COL6A2: variants seen among roughly 807,000 people sequenced by gnomAD.
COL6A2 encodes collagen alpha-2(VI) chain.
COL6A2 carries 90 observed loss-of-function variants against 124.9 expected under a neutral mutation model. That is an observed-to-expected ratio of 0.72 (90% CI 0.61 to 0.86). COL6A2 has a LOEUF of 0.86. Ranked by LOEUF, COL6A2 falls within the 40% of genes least tolerant of loss-of-function variation. COL6A2 has a pLI of 0.00. For missense variants in COL6A2, 1,607 were observed against 1,502.5 expected (o/e 1.07, Z -1.15); for synonymous variants, 793 against 618.2 (o/e 1.28, Z -4.19).
At chr21:46,120,746 G>A (rs557841373) in intron 16 of COL6A2, among the ~76,000 whole-genome samples, 169 bp downstream of exon 16, 2 of 152,080 alleles carry the variant, frequency 1.3e-5, no homozygotes, top group East Asian at 3.9e-4. Context: ...TCAAGGTAGG[G>A]GACCCAGGCG....
At chr21:46,120,943 G>A (rs1010532148) in intron 16 of COL6A2, 118 bp from the exon 17 acceptor site, 12 of 950,330 alleles carry the variant, frequency 1.3e-5, no homozygotes, top group African/African-American at 1.6e-5. Context: ...GGGTCATAGG[G>A]GCCGGGGCCA....
In COL6A2 at chr21:46,116,234, C is replaced by T; in HGVS notation, c.901-143C>T. ...CCAGCCTCCAGCCCGACCCAGGGCT[C>T]AGCCTCCTCCGCAGACTGTTTGTCG... On this transcript the variant is annotated intron_variant, in intron 7 of 27. Transcript: ENST00000300527. The surrounding 1 kb of genome is among the most constrained non-coding windows in gnomAD (Gnocchi z 4.6). The T allele has an allele frequency of 8.5e-7, 1 of 1,171,842 alleles. No individual in the cohort carries two copies. The highest frequency in any genetic ancestry group is 1.2e-6 in the Non-Finnish European group (1 of 806,436). The allele number at this position is 1,171,842 out of a possible 1,614,324, so 72.6% of individuals were successfully genotyped here.
chr21:46,127,446 T>C (rs1283455239), intron 27 of COL6A2, among the ~76,000 whole-genome samples: 1 of 152,098 alleles, frequency 6.6e-6, no homozygotes, highest in African/African-American at 2.4e-5. Context: ...AGGTTCCCCA[T>C]ACGTGCTGCG....
intron 1 of COL6A2, among the ~76,000 whole-genome samples, chr21:46,103,479 T>C (rs1401816631): frequency 1.3e-5 from 2 of 152,176 alleles, no homozygotes. Context: ...CTTTTTCTAG[T>C]TCCTTACATT....
rs555810409 is a variant in COL6A2 at position 46,120,951 on chromosome 21, C to T, written c.1396-110C>T. ...CCGGGGAGGGTCATAGGGGCCGGGG[C>T]CAGACCCGTCTTACCCCCGAGGCCC... On this transcript the variant is annotated intron_variant, in intron 16 of 27. Transcript: ENST00000300527. 121 of 1,045,290 alleles carry T rather than the reference C, an allele frequency of 1.2e-4. 2 individuals carry two copies. The South Asian group carries it at 1.5e-3, about 13-fold the overall frequency. The allele number at this position is 1,045,290 out of a possible 1,614,324, so 64.8% of individuals were successfully genotyped here. A position where few individuals can be genotyped will look rare whatever the true frequency, so the allele number is the denominator to read the frequency against.
In COL6A2 at chr21:46,132,572, C is replaced by T. The variant is rs1193014581; in HGVS notation, c.*20C>T. 3.8e-6 allele frequency: 6 copies of T among 1,573,982 alleles called. No homozygotes were observed. In the African/African-American group the frequency reaches 4.0e-5, roughly 11 times the overall value. On this transcript the variant is annotated 3_prime_UTR_variant, in exon 28 of 28. Transcript: ENST00000300527. ...TGCTAGCGCCGCCGCCCGGGCCCCG[C>T]AGTCGAGGGTCGTGAGCCCACCCCG...
At chr21:46,103,131 G>T (rs2078304700) in intron 1 of COL6A2, among the ~76,000 whole-genome samples, 1 of 152,050 alleles carries the variant, frequency 6.6e-6, no homozygotes, top group Non-Finnish European at 1.5e-5. Context: ...ATTTCTTCAT[G>T]ATTTGATTTT....
At chr21:46,121,987 G>A (rs960601369) in intron 18 of COL6A2, 121 bp from the exon 19 acceptor site, 2 of 1,048,510 alleles carry the variant, frequency 1.9e-6, no homozygotes, top group East Asian at 5.1e-5. Flanking sequence ...CTCACAGCCA[G>A]AACTCGACGG....
chr21:46,105,733 A>T (rs2078328984), intron 1 of COL6A2, among the ~76,000 whole-genome samples: 1 of 152,226 alleles, frequency 6.6e-6, no homozygotes, highest in Non-Finnish European at 1.5e-5. Context: ...TAAATACAAA[A>T]GGGAATGAGG....
intron 27 of COL6A2, among the ~76,000 whole-genome samples, chr21:46,130,805 C>T (rs765692608): frequency 2.2e-4 from 34 of 152,184 alleles, no homozygotes; most frequent in Non-Finnish European, 3.1e-4. Flanking sequence ...CTAGGTGTGG[C>T]CTTAACAGGG....
At chr21:46,124,953 TCTC>T (rs1568938829) in intron 23 of COL6A2, 33 bp downstream of exon 23, 5 of 1,612,256 alleles carry the variant, frequency 3.1e-6, no homozygotes, top group East Asian at 2.2e-5. Flanking sequence ...CCAGTGTCCT[TCTC>T]CTGCCAAAAC....
chr21:46,117,998 G>A (rs1468741131), intron 12 of COL6A2, 62 bp downstream of exon 12: 39 of 1,495,590 alleles, frequency 2.6e-5, no homozygotes, highest in Non-Finnish European at 3.2e-5. Flanking sequence ...GCCTCCTGGA[G>A]GCAGCCCCAG....
Position 46,132,137 on chromosome 21 carries a change from T to C in COL6A2, c.2645T>C (p.Phe882Ser), listed in dbSNP as rs771193919. The C allele has an allele frequency of 5.7e-6, 9 of 1,576,348 alleles. No individual in the cohort carries two copies. The South Asian group carries it at 1.0e-4, about 18-fold the overall frequency. ...AACGCACGCGTGGCGCTGCTGCAGT[T>C]TGGTGGCCCCGGCGAGCAGCAGGTG... ...PLNARVALLQ[F>S]GGPGEQQVAF... The change falls in exon 28 of 28, where the codon TTT becomes TCT. Residue 882 changes from phenylalanine to serine, a missense_variant. Coordinates refer to ENST00000300527, the MANE Select transcript of COL6A2 (RefSeq NM_001849.4).
chr21:46,116,734 G>T lies in COL6A2; in HGVS notation c.955-36G>T. On this transcript the variant is annotated intron_variant, in intron 9 of 27. Transcript: ENST00000300527. This position sits in a 1 kb window ranked among gnomAD's most constrained non-coding sequence, Gnocchi z 4.6. Reference sequence around the variant, plus strand: ...TCCTGCTGCTCAGGGCAGAAGGACCGGGGCTAATGGAGTTCCCTCTTCCTT... The same window carrying T: ...TCCTGCTGCTCAGGGCAGAAGGACCTGGGCTAATGGAGTTCCCTCTTCCTT... 1 of 1,613,078 alleles carries T rather than the reference G, an allele frequency of 6.2e-7. No individual in the cohort carries two copies. Among genetic ancestry groups the T allele is most frequent in the Non-Finnish European group, 8.5e-7 (1 of 1,180,008 alleles).
chr21:46,123,029 C>G (rs935157849), intron 21 of COL6A2, 92 bp downstream of exon 21: 90 of 1,260,850 alleles, frequency 7.1e-5, no homozygotes, highest in Non-Finnish European at 9.6e-5. Context: ...TACAGGAGAA[C>G]GCCAGGCAGC....
At position 46,116,928 on chromosome 21, in the gene COL6A2, C is replaced by CAT; in HGVS notation, c.999+115_999+116insTA. ...GCTTACACATGTGTACACACGCATA[C>CAT]ACACACACACACACACACACACACA... On this transcript the variant is annotated intron_variant, in intron 10 of 27. Transcript: ENST00000300527. The surrounding 1 kb of genome is among the most constrained non-coding windows in gnomAD (Gnocchi z 4.6). 1.1e-5 allele frequency: 5 copies of CAT among 440,234 alleles called. No individual in the cohort carries two copies. Among genetic ancestry groups the CAT allele is most frequent in the Admixed American group, 3.3e-5 (1 of 30,262 alleles). The allele number at this position is 440,234 out of a possible 1,614,324, so 27.3% of individuals were successfully genotyped here. A position where few individuals can be genotyped will look rare whatever the true frequency, so the allele number is the denominator to read the frequency against.
intron 1 of COL6A2, among the ~76,000 whole-genome samples, chr21:46,105,767 CA>C (rs975004191): frequency 6.6e-6 from 1 of 151,208 alleles, no homozygotes; most frequent in South Asian, 2.1e-4. Flanking sequence ...GTTTCACCAT[CA>C]AAAAAATTAA....
In COL6A2 at chr21:46,118,586, G is replaced by A. The variant is rs374713491; in HGVS notation, c.1117-28G>A. ...CACCCCCCTTCCCCTGCCAAAAGAC[G>A]TGAGGCTGATTCTGCAAACCCTTCC... On this transcript the variant is annotated intron_variant, in intron 12 of 27. Coordinates refer to ENST00000300527, the MANE Select transcript of COL6A2 (RefSeq NM_001849.4). The A allele has an allele frequency of 7.1e-5, 115 of 1,611,588 alleles. No individual in the cohort carries two copies. In the African/African-American group the frequency reaches 1.1e-3, roughly 16 times the overall value.
chr21:46,117,762 A>T, intron 11 of COL6A2, 112 bp from the exon 12 acceptor site: 1 of 1,120,278 alleles, frequency 8.9e-7, no homozygotes, highest in Non-Finnish European at 1.3e-6. Flanking sequence ...TGGGCCTCAC[A>T]GTGAGGGTGG....
Sources: gnomAD v4.1 joint callset for allele counts (sites outside exome capture counted in the v4.1 genomes callset) on GRCh38, gnomAD v4.1.1 for gene constraint, Gnocchi (gnomAD v3.1) non-coding constraint, MANE v1.5 for transcripts, NCBI Gene and HGNC (gene_info 2026-07-23, HGNC 2026-07-21) for gene names.